The following ARPIN variants were observed in gnomAD, a reference collection of about 807,000 sequenced individuals.
ARPIN encodes the protein UPF0552 protein C15orf38.
A neutral mutation model predicts 25.9 loss-of-function variants in ARPIN; 23 were observed. The ratio of observed to expected loss-of-function variants is 0.89; its 90% CI spans 0.64 to 1.26. ARPIN has a LOEUF of 1.26. ARPIN is among the 50% of genes most tolerant of loss of function. The pLI, the probability that ARPIN is intolerant of heterozygous loss-of-function variation, is 0.00. For missense variants in ARPIN, 333 were observed against 312.2 expected (o/e 1.07, Z -0.50); for synonymous variants, 126 against 131.4 (o/e 0.96, Z 0.28).
chr15:89,909,305 G>A (rs1756255828), intron 2 of ARPIN, among the ~76,000 whole-genome samples: 1 of 151,874 alleles, frequency 6.6e-6, no homozygotes, highest in South Asian at 2.1e-4. Flanking sequence ...ATGCTCCCAG[G>A]GCCTGAAGAA....
At chr15:89,912,450 G>T in intron 1 of ARPIN, 1 of 1,224,866 alleles carries the variant, frequency 8.2e-7, no homozygotes, top group Non-Finnish European at 1.0e-6. Flanking sequence ...TGGGGCCGGA[G>T]GTCGGCGTGA....
chr15:89,910,860 G>T (rs777578530), intron 1 of ARPIN, 41 bp from the exon 2 acceptor site: 1 of 1,610,472 alleles, frequency 6.2e-7, no homozygotes, highest in Admixed American at 1.7e-5. Flanking sequence ...AGTTTTGTCA[G>T]TCCTCAGCAA....
At chr15:89,904,957 T>G (rs975926458) in intron 3 of ARPIN, among the ~76,000 whole-genome samples, 1 of 151,902 alleles carries the variant, frequency 6.6e-6, no homozygotes. Flanking sequence ...GCATCTCACT[T>G]TCTTTGCAAG....
intron 1 of ARPIN, 44 bp from the exon 2 acceptor site, chr15:89,910,863 C>G: frequency 6.2e-7 from 1 of 1,607,532 alleles, no homozygotes; most frequent in Non-Finnish European, 8.5e-7. Flanking sequence ...TTTGTCAGTC[C>G]TCAGCAAATC....
chr15:89,910,946 C>A, intron 1 of ARPIN, 127 bp from the exon 2 acceptor site: 2 of 1,152,266 alleles, frequency 1.7e-6, no homozygotes, highest in Non-Finnish European at 1.2e-6. Flanking sequence ...GTGCTTCCGA[C>A]ATAGGGATCT....
chr15:89,896,361 A>G lies in ARPIN; in HGVS notation c.*5434T>C, dbSNP rs941350288. The G allele has an allele frequency of 1.3e-5, 2 of 152,240 alleles. No individual in the cohort carries two copies. Among genetic ancestry groups the G allele is most frequent in the African/African-American group, 4.8e-5 (2 of 41,466 alleles). The allele number at this position is 152,240 out of a possible 1,614,324, so 9.4% of individuals were successfully genotyped here. A position where few individuals can be genotyped will look rare whatever the true frequency, so the allele number is the denominator to read the frequency against. On this transcript the variant is annotated 3_prime_UTR_variant, in exon 6 of 6. Coordinates refer to ENST00000357484, the MANE Select transcript of ARPIN (RefSeq NM_182616.4). ...TGATGGTTCAAATTGTAATTATAGG[A>G]AGAATAACTGAAATATTATAAATAA...
rs1191010199 is a variant in ARPIN, at chr15:89,898,008, CCTG to C, written c.*3784_*3786del. 3.4e-4 allele frequency: 52 copies of C among 151,832 alleles called. No homozygotes were observed. Among genetic ancestry groups the C allele is most frequent in the Admixed American group, 3.3e-3 (51 of 15,224 alleles). The allele number at this position is 151,832 out of a possible 1,614,324, so 9.4% of individuals were successfully genotyped here. On this transcript the variant is annotated 3_prime_UTR_variant, in exon 6 of 6. Coordinates refer to ENST00000357484, the MANE Select transcript of ARPIN (RefSeq NM_182616.4). The stretch of plus-strand genomic sequence containing the variant: ...AGCTACTTGGGATTACAGTAATCCT[CCTG>C]CTGAGGCAGGAGAAACTCTTGAACC...
In ARPIN at chr15:89,895,653, A is replaced by G. The variant is rs750712097; in HGVS notation, c.*6142T>C. 19 of 152,400 alleles carry G rather than the reference A, an allele frequency of 1.2e-4. No individual in the cohort carries two copies. Among genetic ancestry groups the G allele is most frequent in the Non-Finnish European group, 2.5e-4 (17 of 68,040 alleles). 9.4% of individuals were successfully genotyped at this position (152,400 alleles called of 1,614,324 possible). A position where few individuals can be genotyped will look rare whatever the true frequency, so the allele number is the denominator to read the frequency against. ...AGTACCACATAAGTGATTTAAAAAC[A>G]TCTTTGGGTGGTAGGATTATCAAGT... is the stretch of plus-strand genomic sequence containing the variant. On this transcript the variant is annotated 3_prime_UTR_variant, in exon 6 of 6. Transcript: ENST00000357484.
chr15:89,912,933 CA>C lies in ARPIN; in HGVS notation c.-99del. ...AGGACGCGCGGGGACCCGCGATTCC[CA>C]GCCGGCGGATCCGGGAATGGCGCGG... is the stretch of plus-strand genomic sequence containing the variant. On this transcript the variant is annotated 5_prime_UTR_variant, in exon 1 of 6. Transcript: ENST00000357484. 7.2e-7 allele frequency: 1 copy of C among 1,384,598 alleles called. No individual in the cohort carries two copies. Among genetic ancestry groups the C allele is most frequent in the African/African-American group, 1.5e-5 (1 of 65,334 alleles). 85.8% of individuals were successfully genotyped at this position (1,384,598 alleles called of 1,614,324 possible). A position where few individuals can be genotyped will look rare whatever the true frequency, so the allele number is the denominator to read the frequency against.
chr15:89,912,200 C>T (rs1201527385), intron 1 of ARPIN: 3 of 986,046 alleles, frequency 3.0e-6, no homozygotes, highest in South Asian at 4.7e-5. Flanking sequence ...CTGTATCTGG[C>T]TTATTTCACT....
At position 89,912,779 on chromosome 15, in the gene ARPIN, C is replaced by T. The variant is rs1211849497; in HGVS notation, c.57G>A (p.Arg19=). 10 of 1,510,042 alleles carry T rather than the reference C, an allele frequency of 6.6e-6. No homozygotes were observed. The highest frequency in any genetic ancestry group is 8.8e-7 in the Non-Finnish European group (1 of 1,134,172). 93.5% of individuals were successfully genotyped at this position (1,510,042 alleles called of 1,614,324 possible). The change falls in exon 1 of 6, where the codon CGG becomes CGA. Residue 19 remains arginine, a synonymous_variant. Coordinates refer to ENST00000357484, the MANE Select transcript of ARPIN (RefSeq NM_182616.4). ...ALRNKAVQSV[R]LPGAWDPAAH... ...CGGCGGGGTCCCAGGCCCCTGGCAGCCGGACGCTCTGCACCGCCTTGTTCC... is the reference window on the plus strand; with the variant it reads ...CGGCGGGGTCCCAGGCCCCTGGCAGTCGGACGCTCTGCACCGCCTTGTTCC...
At chr15:89,910,721 T>G (rs1054834504) in intron 2 of ARPIN, 23 bp downstream of exon 2, 1 of 1,613,814 alleles carries the variant, frequency 6.2e-7, no homozygotes, top group East Asian at 2.2e-5. Context: ...GCCCTCTAGC[T>G]AGCACCGAGG....
intron 1 of ARPIN, 82 bp from the exon 2 acceptor site, chr15:89,910,901 C>A: frequency 8.2e-7 from 1 of 1,212,722 alleles, no homozygotes; most frequent in Non-Finnish European, 1.1e-6. Flanking sequence ...TTACCCAGCC[C>A]TGAGAAGGCT....
intron 1 of ARPIN, chr15:89,912,437 G>C: frequency 8.3e-7 from 1 of 1,200,468 alleles, no homozygotes; most frequent in Non-Finnish European, 1.0e-6. Context: ...TACGCGGGTG[G>C]GGTGGGGCCG....
chr15:89,896,927 T>G lies in ARPIN; in HGVS notation c.*4868A>C, dbSNP rs903335876. On this transcript the variant is annotated 3_prime_UTR_variant, in exon 6 of 6. Coordinates refer to ENST00000357484, the MANE Select transcript of ARPIN (RefSeq NM_182616.4). ...TTCTCCCCTACATTGCTGGTGAAAT[T>G]ATGGTTTAGAACAACCCTTTTGGGA... The G allele has an allele frequency of 6.6e-6, 1 of 152,218 alleles. No individual in the cohort carries two copies. Among genetic ancestry groups the G allele is most frequent in the Non-Finnish European group, 1.5e-5 (1 of 68,040 alleles). 9.4% of individuals were successfully genotyped at this position (152,218 alleles called of 1,614,324 possible).
At chr15:89,912,480 A>T (rs1263977498) in intron 1 of ARPIN, 1 of 1,257,536 alleles carries the variant, frequency 8.0e-7, no homozygotes, top group East Asian at 3.4e-5. Context: ...CAGCCTTCGG[A>T]GACCTGTCTG....
intron 1 of ARPIN, among the ~76,000 whole-genome samples, 185 bp from the exon 2 acceptor site, chr15:89,911,004 C>G (rs2141928508): frequency 6.6e-6 from 1 of 152,232 alleles, no homozygotes; most frequent in East Asian, 1.9e-4. Context: ...CAGGAGGAAC[C>G]TTGTCAGGCT....
chr15:89,904,745 G>A (rs759272124), intron 3 of ARPIN, among the ~76,000 whole-genome samples: 5 of 152,168 alleles, frequency 3.3e-5, no homozygotes, highest in South Asian at 2.1e-4. Context: ...GGCTGCCTGC[G>A]CCACGCCAAG....
At position 89,896,588 on chromosome 15, in the gene ARPIN, GATAT is replaced by G. The variant is rs1249822547; in HGVS notation, c.*5203_*5206del. 1.3e-5 allele frequency: 2 copies of G among 151,970 alleles called. No homozygotes were observed. The highest frequency in any genetic ancestry group is 2.4e-5 in the African/African-American group (1 of 41,370). 9.4% of individuals were successfully genotyped at this position (151,970 alleles called of 1,614,324 possible). On this transcript the variant is annotated 3_prime_UTR_variant, in exon 6 of 6. Transcript: ENST00000357484. ...CAATAAAAATCACAAAACATCAACA[GATAT>G]ATAAAGTTTTTTTATAAAAAGAATT...
Sources: gnomAD v4.1 joint callset for allele counts (sites outside exome capture counted in the v4.1 genomes callset) on GRCh38, gnomAD v4.1.1 for gene constraint, MANE v1.5 for transcripts, NCBI Gene and HGNC (gene_info 2026-07-23, HGNC 2026-07-21) for gene names.